JUP: variants seen among roughly 807,000 people sequenced by gnomAD.
JUP encodes the protein catenin (cadherin-associated protein), gamma 80kDa.
JUP carries 28 observed loss-of-function variants against 71.1 expected under a neutral mutation model. That is an observed-to-expected ratio of 0.39 (90% CI 0.29 to 0.54). JUP has a LOEUF of 0.54. Ranked by LOEUF, JUP falls within the 20% of genes least tolerant of loss-of-function variation. The pLI is 0.62. For missense variants in JUP, 869 were observed against 1,030.1 expected (o/e 0.84, Z 2.14); for synonymous variants, 401 against 438.9 (o/e 0.91, Z 1.08).
intron 4 of JUP, among the ~76,000 whole-genome samples, chr17:41,768,480 C>T (rs1244598821): frequency 2.6e-5 from 4 of 151,522 alleles, no homozygotes; most frequent in African/African-American, 4.9e-5. Context: ...GAGAATCATT[C>T]GAACCCAGGA....
At position 41,763,101 on chromosome 17, in the gene JUP, C is replaced by T. The variant is rs397517296; in HGVS notation, c.1379G>A (p.Arg460His). ...CTCAGGGTGGCGGCTAGTGAGGTGG[C>T]GCAGAGCGCAGACGGCAGGCTCCGT... ...DITEPAVCAL[R>H]HLTSRHPEAE... The change falls in exon 8 of 14, where the codon CGC (arginine) becomes CAC (histidine). Residue 460 changes from arginine to histidine, a missense_variant. Transcript: ENST00000393931. 28 of 1,614,146 alleles carry T rather than the reference C, an allele frequency of 1.7e-5. No individual in the cohort carries two copies. Among genetic ancestry groups the T allele is most frequent in the East Asian group, 6.7e-5 (3 of 44,872 alleles).
At position 41,757,653 on chromosome 17, in the gene JUP, G is replaced by A. The variant is rs1555598871; in HGVS notation, c.1905C>T (p.His635=). ...GASAPLMELL[H]SRNEGTATYA... is the part of the protein sequence containing the mutation. ...GCTCACCAGTGCCCTCGTTGCGGGA[G>A]TGCAGCAACTCCATGAGTGGGGCCG... Residue 635 remains histidine (H), a synonymous_variant, in exon 11 of 14, where the codon CAC becomes CAT. Transcript: ENST00000393931. 1 of 1,613,740 alleles carries A rather than the reference G, an allele frequency of 6.2e-7. No homozygotes were observed. Among genetic ancestry groups the A allele is most frequent in the Admixed American group, 1.7e-5 (1 of 59,932 alleles).
chr17:41,775,554 T>C (rs2046839572), intron 1 of JUP, among the ~76,000 whole-genome samples: 1 of 152,216 alleles, frequency 6.6e-6, no homozygotes, highest in Non-Finnish European at 1.5e-5. Context: ...GCAATGCCCC[T>C]GGACAGAGCC....
intron 1 of JUP, chr17:41,772,815 C>T: frequency 1.0e-6 from 1 of 985,454 alleles, no homozygotes; most frequent in Non-Finnish European, 1.2e-6. Context: ...GGTTTAGGCG[C>T]ACCTGAAGGT....
chr17:41,782,864 G>C (rs374636184), intron 1 of JUP, among the ~76,000 whole-genome samples: 9 of 152,114 alleles, frequency 5.9e-5, no homozygotes, highest in South Asian at 2.1e-4. Flanking sequence ...GGGAGGCTGA[G>C]GCGGGCGGAT....
chr17:41,756,371 C>CGGAT (rs1330390443), intron 12 of JUP, among the ~76,000 whole-genome samples, 157 bp from the exon 13 acceptor site: 4 of 151,138 alleles, frequency 2.6e-5, no homozygotes, highest in African/African-American at 9.7e-5. Context: ...AGACAGCAGG[C>CGGAT]GGATCACTTG....
chr17:41,769,938 G>C (rs1916392349), intron 2 of JUP, among the ~76,000 whole-genome samples: 1 of 143,994 alleles, frequency 6.9e-6, no homozygotes, highest in African/African-American at 2.6e-5. Flanking sequence ...CTTATTATGT[G>C]CCTGGCAGTG....
At chr17:41,785,266 A>G (rs1306260860) in intron 1 of JUP, 1 of 151,794 alleles carries the variant, frequency 6.6e-6, no homozygotes, top group African/African-American at 2.4e-5. Context: ...AGGCAAAAAA[A>G]AAAAGACAAG....
intron 4 of JUP, among the ~76,000 whole-genome samples, chr17:41,767,860 A>G (rs1915972045): frequency 6.6e-6 from 1 of 152,142 alleles, no homozygotes. Context: ...ACTGATCCCT[A>G]CTAAGTAACC....
chr17:41,774,239 TG>T (rs1310115537), intron 1 of JUP, among the ~76,000 whole-genome samples: 8 of 140,392 alleles, frequency 5.7e-5, no homozygotes, highest in East Asian at 2.3e-4. Context: ...CATGGGGGGG[TG>T]GGGGGGTGGA....
rs116697494 is a variant in JUP, at chr17:41,784,789, A to G, written c.-9+1799T>C. ...AGAGGTGGTAGACTCTTCCCCTCCAAGCACTCTCGATCCCCGCCCCCCACA... is the reference window on the plus strand; with the variant it reads ...AGAGGTGGTAGACTCTTCCCCTCCAGGCACTCTCGATCCCCGCCCCCCACA... On this transcript the variant is annotated intron_variant, in intron 1 of 13. Transcript: ENST00000393931. Among the ~76,000 whole-genome samples, 725 of 152,118 alleles carry G rather than the reference A, an allele frequency of 4.8e-3. 8 individuals are homozygous for G. The highest frequency in any genetic ancestry group is 0.017 in the African/African-American group (697 of 41,522).
At chr17:41,782,533 T>C (rs554917232) in intron 1 of JUP, among the ~76,000 whole-genome samples, 1 of 152,254 alleles carries the variant, frequency 6.6e-6, no homozygotes, top group Admixed American at 6.5e-5. Flanking sequence ...GCCATGGTTC[T>C]ACCTAACCCA....
Position 41,786,607 on chromosome 17 carries a change from G to A in JUP, c.-28C>T. The A allele has an allele frequency of 6.6e-6, 1 of 152,580 alleles. No homozygotes were observed. The highest frequency in any genetic ancestry group is 1.5e-5 in the Non-Finnish European group (1 of 68,232). The allele number at this position is 152,580 out of a possible 1,614,324, so 9.5% of individuals were successfully genotyped here. A position where few individuals can be genotyped will look rare whatever the true frequency, so the allele number is the denominator to read the frequency against. On this transcript the variant is annotated 5_prime_UTR_variant, in exon 1 of 14. Transcript: ENST00000393931. ...CCGCACCTGAGTATGGGGCCTGACC[G>A]GGCCGGGTCGGGGTCGGGCCGGGGT...
In JUP at chr17:41,756,190, C is replaced by T. The variant is rs782169310; in HGVS notation, c.2071G>A (p.Glu691Lys). Residue 691 changes from glutamate to lysine, a missense_variant, in exon 13 of 14, where the codon GAG (glutamate) becomes AAG (lysine). Transcript: ENST00000393931. ...ACACACTTACCATCTCCATAGGGCT[C>T]ATTGATGGGAATCATGCTCTGGGCC... Reference protein sequence around the residue: ...EAAQSMIPINEPYGDDMDATY... With the variant: ...EAAQSMIPINKPYGDDMDATY... The T allele has an allele frequency of 6.2e-7, 1 of 1,613,976 alleles. No individual in the cohort carries two copies. Among genetic ancestry groups the T allele is most frequent in the East Asian group, 2.2e-5 (1 of 44,884 alleles).
At position 41,763,207 on chromosome 17, in the gene JUP, T is replaced by C; in HGVS notation, c.1273A>G (p.Asn425Asp). The C allele has an allele frequency of 4.3e-6, 7 of 1,614,262 alleles. No individual in the cohort carries two copies. The highest frequency in any genetic ancestry group is 5.9e-6 in the Non-Finnish European group (7 of 1,180,052). Reference sequence around the variant, plus strand: ...CTGTTCTGTGTCACCAGCGTCTTGTTCTTGCTGTTGTTGCATGTCAGGTTG... The same window carrying C: ...CTGTTCTGTGTCACCAGCGTCTTGTCCTTGCTGTTGTTGCATGTCAGGTTG... ...LSNLTCNNSK[N>D]KTLVTQNSGV... Residue 425 changes from asparagine to aspartate, a missense_variant, in exon 8 of 14, where the codon AAC (asparagine) becomes GAC (aspartate). Transcript: ENST00000393931.
At chr17:41,781,068 C>CT (rs1185944508) in intron 1 of JUP, among the ~76,000 whole-genome samples, 13 of 151,898 alleles carry the variant, frequency 8.6e-5, no homozygotes, top group African/African-American at 2.4e-4. Context: ...GTAGTCCCAG[C>CT]TACTCGGGAG....
At chr17:41,784,578 G>C (rs1304006688) in intron 1 of JUP, among the ~76,000 whole-genome samples, 1 of 152,172 alleles carries the variant, frequency 6.6e-6, no homozygotes, top group African/African-American at 2.4e-5. Flanking sequence ...AGGGAAAGCA[G>C]GTTATTTTTG....
chr17:41,775,032 G>T (rs1917229534), intron 1 of JUP, among the ~76,000 whole-genome samples: 1 of 151,816 alleles, frequency 6.6e-6, no homozygotes, highest in African/African-American at 2.4e-5. Context: ...AAACCAGGGA[G>T]GTGCATGTTG....
chr17:41,780,822 A>T (rs1030154459), intron 1 of JUP, among the ~76,000 whole-genome samples: 2 of 152,110 alleles, frequency 1.3e-5, no homozygotes, highest in Admixed American at 1.3e-4. Flanking sequence ...AGGTGAGTGG[A>T]TCACCTGAGG....
Sources: allele counts gnomAD v4.1 joint callset (sites outside exome capture counted in the v4.1 genomes callset), GRCh38; gene constraint gnomAD v4.1.1; transcripts MANE v1.5; gene names NCBI Gene and HGNC (gene_info 2026-07-23, HGNC 2026-07-21).